IL1RAPL2: variants seen among roughly 807,000 people sequenced by gnomAD.
IL1RAPL2 encodes the protein X-linked interleukin-1 receptor accessory protein-like 2.
Under a neutral mutation model 44.1 loss-of-function variants are expected in IL1RAPL2, and 3 were observed. The ratio of observed to expected loss-of-function variants is 0.07; its 90% CI spans 0.03 to 0.18. The LOEUF (loss-of-function observed/expected upper bound fraction) is 0.18, where lower values mean the gene tolerates loss of function less well. Among genes scored for constraint, IL1RAPL2 ranks in the 10% least tolerant of loss-of-function variants. IL1RAPL2 has a pLI of 1.00. For synonymous variants in IL1RAPL2, 181 were observed against 178.8 expected, an observed-to-expected ratio of 1.01 and a Z score of -0.10; for missense variants, 391 against 496.4, an observed-to-expected ratio of 0.79 and a Z score of 2.02.
At chrX:104,886,359 G>GA (rs1244833420) in intron 2 of IL1RAPL2, among the ~76,000 whole-genome samples, 1 of 81,815 alleles carries the variant, frequency 1.2e-5, no homozygotes, top group East Asian at 4.1e-4. Context: ...ATTTGGAAGG[G>GA]CAAAAAATGC....
intron 5 of IL1RAPL2, among the ~76,000 whole-genome samples, chrX:105,302,967 C>G (rs1241969915): frequency 8.9e-6 from 1 of 111,799 alleles, no homozygotes; most frequent in Non-Finnish European, 1.9e-5. Context: ...GTCTAAATGC[C>G]CCTTCCATGG....
chrX:104,653,807 C>A (rs934153478), intron 1 of IL1RAPL2, among the ~76,000 whole-genome samples: 8 of 111,212 alleles, frequency 7.2e-5, no homozygotes, highest in African/African-American at 2.6e-4. Context: ...AATACTGGAC[C>A]TTTACATGTC....
chrX:105,495,996 T>C (rs1384511522), intron 6 of IL1RAPL2, among the ~76,000 whole-genome samples: 1 of 111,903 alleles, frequency 8.9e-6, no homozygotes, highest in Non-Finnish European at 1.9e-5. Flanking sequence ...TTAAGTCTGA[T>C]AAGAAACATA....
At chrX:105,193,566 A>G (rs1436329356) in intron 2 of IL1RAPL2, among the ~76,000 whole-genome samples, 1 of 112,315 alleles carries the variant, frequency 8.9e-6, no homozygotes, top group Non-Finnish European at 1.9e-5. Context: ...GTGTATCACT[A>G]GTAATTTATA....
chrX:104,582,640 CT>C (rs1250012318), intron 1 of IL1RAPL2, among the ~76,000 whole-genome samples: 3 of 52,597 alleles, frequency 5.7e-5, no homozygotes, highest in African/African-American at 2.4e-4. Flanking sequence ...TTCTTTCTTT[CT>C]CTCTTTCTTT....
intron 2 of IL1RAPL2, among the ~76,000 whole-genome samples, chrX:104,907,409 G>A (rs1602804441): frequency 9.1e-6 from 1 of 109,693 alleles, no homozygotes; most frequent in Admixed American, 9.7e-5. Context: ...TGTCAATTTT[G>A]GATCTTTCCT....
intron 2 of IL1RAPL2, among the ~76,000 whole-genome samples, chrX:105,061,968 T>C (rs762517385): frequency 8.9e-6 from 1 of 112,189 alleles, no homozygotes; most frequent in East Asian, 2.8e-4. Context: ...TCTTGTTTTT[T>C]AATTCATACA....
At chrX:105,173,775 C>G (rs767201498) in intron 2 of IL1RAPL2, among the ~76,000 whole-genome samples, 1 of 108,162 alleles carries the variant, frequency 9.2e-6, no homozygotes, top group Admixed American at 9.8e-5. Context: ...CTTTGTTGCC[C>G]GGGCTGGAGT....
At chrX:104,849,725 A>T (rs1300254568) in intron 2 of IL1RAPL2, among the ~76,000 whole-genome samples, 1 of 111,139 alleles carries the variant, frequency 9.0e-6, no homozygotes, top group Non-Finnish European at 1.9e-5. Flanking sequence ...TAATATGTTG[A>T]CAATTTTGAA....
intron 2 of IL1RAPL2, among the ~76,000 whole-genome samples, chrX:105,100,393 T>C (rs758525567): frequency 7.8e-4 from 87 of 111,771 alleles, no homozygotes; most frequent in African/African-American, 2.8e-3. Context: ...GCTAAGGGCA[T>C]AAATAAATAA....
chrX:104,794,472 T>C (rs1932839965), intron 2 of IL1RAPL2, among the ~76,000 whole-genome samples: 1 of 111,307 alleles, frequency 9.0e-6, no homozygotes, highest in Admixed American at 9.5e-5. Flanking sequence ...CATCTACCAC[T>C]AACTCACTTT....
intron 4 of IL1RAPL2, among the ~76,000 whole-genome samples, chrX:105,235,926 C>T (rs943129673): frequency 8.9e-6 from 1 of 112,224 alleles, no homozygotes; most frequent in Non-Finnish European, 1.9e-5. Flanking sequence ...CTATTCAAGG[C>T]AGTGTGACTC....
chrX:104,685,863 G>A (rs1446436598), intron 2 of IL1RAPL2, among the ~76,000 whole-genome samples: 1 of 109,923 alleles, frequency 9.1e-6, no homozygotes, highest in Non-Finnish European at 1.9e-5. Context: ...GAGAGGTGGA[G>A]CTTGCAGTGA....
intron 6 of IL1RAPL2, among the ~76,000 whole-genome samples, chrX:105,546,655 C>T (rs1333213716): frequency 9.0e-6 from 1 of 110,838 alleles, no homozygotes; most frequent in African/African-American, 3.3e-5. Context: ...AGGTTTGTTG[C>T]CTGACCTTTG....
chrX:104,625,880 G>A (rs889357041), intron 1 of IL1RAPL2, among the ~76,000 whole-genome samples: 1 of 111,224 alleles, frequency 9.0e-6, no homozygotes, highest in Non-Finnish European at 1.9e-5. Context: ...CAAAAGACTG[G>A]ATTTTGAATC....
chrX:105,333,942 C>T (rs2035007932), intron 5 of IL1RAPL2, among the ~76,000 whole-genome samples: 1 of 111,642 alleles, frequency 9.0e-6, no homozygotes, highest in Non-Finnish European at 1.9e-5. Context: ...ATTAGTACAA[C>T]CACTATGGAG....
intron 5 of IL1RAPL2, among the ~76,000 whole-genome samples, chrX:105,340,035 T>C (rs1298521761): frequency 1.8e-5 from 2 of 112,097 alleles, no homozygotes; most frequent in Non-Finnish European, 3.8e-5. Flanking sequence ...ACTCTTTAAG[T>C]AACTTCTATA....
intron 6 of IL1RAPL2, among the ~76,000 whole-genome samples, chrX:105,584,267 CTGTTT>C (rs2037110844): frequency 9.0e-6 from 1 of 111,187 alleles, no homozygotes; most frequent in Non-Finnish European, 1.9e-5. Context: ...TTTTTACTTT[CTGTTT>C]TGTAGCTCTA....
At chrX:104,585,273 A>ATATAATATATATATTATATAT (rs1569487924) in intron 1 of IL1RAPL2, among the ~76,000 whole-genome samples, 7 of 17,304 alleles carry the variant, frequency 4.0e-4, no homozygotes, top group South Asian at 1.8e-3. Flanking sequence ...ATAATATATT[A>ATATAATATATATATTATATAT]TATATATTAT....
Sources: gnomAD v4.1 joint callset for allele counts (sites outside exome capture counted in the v4.1 genomes callset) on GRCh38, gnomAD v4.1.1 for gene constraint, MANE v1.5 for transcripts, NCBI Gene and HGNC (gene_info 2026-07-23, HGNC 2026-07-21) for gene names.